Variants in TLR10 observed in about 807,000 individuals in gnomAD.
TLR10 encodes toll-like receptor 10.
For synonymous variants in TLR10, 288 were observed against 338.8 expected (o/e 0.85, Z 1.65); for missense variants, 929 against 932.9 (o/e 1.00, Z 0.05).
In TLR10 at chr4:38,772,333, A is replaced by T. The variant is rs1724675949; in HGVS notation, c.*822T>A. 6.6e-6 allele frequency: 1 copy of T among 152,130 alleles called. No homozygotes were observed. Among genetic ancestry groups the T allele is most frequent in the African/African-American group, 2.4e-5 (1 of 41,428 alleles). The allele number at this position is 152,130 out of a possible 1,614,324, so 9.4% of individuals were successfully genotyped here. A position where few individuals can be genotyped will look rare whatever the true frequency, so the allele number is the denominator to read the frequency against. The stretch of plus-strand genomic sequence containing the variant: ...AACATTATAGAAATACACAACATAG[A>T]AATCAAATGCTCCCTGTAATCCAAC... On this transcript the variant is annotated 3_prime_UTR_variant, in exon 4 of 4. Coordinates refer to ENST00000308973, the MANE Select transcript of TLR10 (RefSeq NM_030956.4).
rs1040771141 is a variant in TLR10 at position 38,775,666 on chromosome 4, T to C, written c.-62-14A>G. The C allele has an allele frequency of 7.4e-7, 1 of 1,348,154 alleles. No individual in the cohort carries two copies. Among genetic ancestry groups the C allele is most frequent in the Admixed American group, 2.5e-5 (1 of 39,614 alleles). The allele number at this position is 1,348,154 out of a possible 1,614,324, so 83.5% of individuals were successfully genotyped here. Reference sequence around the variant, plus strand: ...GAGCTCAAAACCCTAAAAAAAAGTATATAATATTAGATTTTTATTTGGTTT... The same window carrying C: ...GAGCTCAAAACCCTAAAAAAAAGTACATAATATTAGATTTTTATTTGGTTT... On this transcript the variant is annotated splice_polypyrimidine_tract_variant and intron_variant, in intron 3 of 3. Transcript: ENST00000308973.
At chr4:38,776,829 T>C (rs1172961922) in intron 1 of TLR10, among the ~76,000 whole-genome samples, 3 of 152,182 alleles carry the variant, frequency 2.0e-5, no homozygotes, top group Non-Finnish European at 4.4e-5. Flanking sequence ...ACAATACGTT[T>C]ATATGTTATG....
intron 3 of TLR10, 35 bp from the exon 4 acceptor site, chr4:38,775,687 G>A: frequency 8.1e-7 from 1 of 1,233,860 alleles, no homozygotes; most frequent in Non-Finnish European, 1.1e-6. Flanking sequence ...ATTTTTATTT[G>A]GTTTGTTAAA....
chr4:38,776,825 C>T (rs191196014), intron 1 of TLR10, among the ~76,000 whole-genome samples: 26 of 152,222 alleles, frequency 1.7e-4, no homozygotes, highest in Admixed American at 1.3e-3. Context: ...CAAAACAATA[C>T]GTTTATATGT....
rs1041790959 is a variant in TLR10, at chr4:38,776,274, A to G, written c.-416T>C. ...TGTGACATGTTGCCAGCTTCTCCACAGATAGGCATGGTGTTAGTCATTAAA... is the reference window on the plus strand; with the variant it reads ...TGTGACATGTTGCCAGCTTCTCCACGGATAGGCATGGTGTTAGTCATTAAA... On this transcript the variant is annotated 5_prime_UTR_variant, in exon 2 of 4. Transcript: ENST00000308973. 9.5e-5 allele frequency: 21 copies of G among 221,384 alleles called. No individual in the cohort carries two copies. Among genetic ancestry groups the G allele is most frequent in the Middle Eastern group, 4.9e-4 (1 of 2,024 alleles). The allele number at this position is 221,384 out of a possible 1,614,324, so 13.7% of individuals were successfully genotyped here.
Position 38,773,009 on chromosome 4 carries a change from T to G in TLR10, c.*146A>C. On this transcript the variant is annotated 3_prime_UTR_variant, in exon 4 of 4. Coordinates refer to ENST00000308973, the MANE Select transcript of TLR10 (RefSeq NM_030956.4). ...TGTGAAGGTGTTTCTATAGGATACA[T>G]TCTTAGAAATCCTTCTAGAAACTGA... The G allele has an allele frequency of 1.4e-6, 1 of 739,054 alleles. No individual in the cohort carries two copies. The highest frequency in any genetic ancestry group is 1.9e-6 in the Non-Finnish European group (1 of 513,222). The allele number at this position is 739,054 out of a possible 1,614,324, so 45.8% of individuals were successfully genotyped here.
rs1579183997 is a variant in TLR10 at position 38,780,402 on chromosome 4, T to TAAAAAAAAAA, written c.-569+2518_-569+2519insTTTTTTTTTT. The stretch of plus-strand genomic sequence containing the variant: ...CTGGGCAACAGAGCAAGACTCAGTT[T>TAAAAAAAAAA]CAAAAAAAAAAAGAATAAGTTTGGT... On this transcript the variant is annotated intron_variant, in intron 1 of 3. Transcript: ENST00000308973. Among the ~76,000 whole-genome samples, 139 of 80,840 alleles carry TAAAAAAAAAA rather than the reference T, an allele frequency of 1.7e-3. 2 individuals carry two copies. The highest frequency in any genetic ancestry group is 9.0e-3 in the African/African-American group (128 of 14,176). 53.0% of individuals were successfully genotyped at this position (80,840 alleles called of 152,430 possible). A position where few individuals can be genotyped will look rare whatever the true frequency, so the allele number is the denominator to read the frequency against.
rs144520113 is a variant in TLR10, at chr4:38,773,408, A to G, written c.2183T>C (p.Ile728Thr). The part of the protein sequence containing the change: ...FHENSDHIIL[I>T]LLEPIPFYCI... ...ATAGAATGGAATGGGTTCCAGTAAG[A>G]TAAGAATTATATGATCAGAATTTTC... Residue 728 changes from isoleucine (I) to threonine (T), a missense_variant, in exon 4 of 4, where the codon ATC becomes ACC. Ile to Thr is a moderately conservative substitution (Grantham distance 89). Transcript: ENST00000308973. 36 of 1,613,424 alleles carry G rather than the reference A, an allele frequency of 2.2e-5. No individual in the cohort carries two copies. In the African/African-American group the frequency reaches 3.6e-4, roughly 16 times the overall value.
chr4:38,777,832 C>T lies in TLR10; in HGVS notation c.-568-1406G>A, dbSNP rs187643843. On this transcript the variant is annotated intron_variant, in intron 1 of 3. Transcript: ENST00000308973. ...TGGAGAGGGTGTAGAGAAATAGGAACGCTTTTACACTGTTGGTGGGGGTGT... is the reference window on the plus strand; with the variant it reads ...TGGAGAGGGTGTAGAGAAATAGGAATGCTTTTACACTGTTGGTGGGGGTGT... 4.1e-4 allele frequency among the ~76,000 whole-genome samples: 63 copies of T among 152,244 alleles called. No individual in the cohort carries two copies. The East Asian group carries it at 7.0e-3, about 17-fold the overall frequency.
rs757945830 is a variant in TLR10, at chr4:38,774,220, A to C, written c.1371T>G (p.Thr457=). The change falls in exon 4 of 4, where the codon ACT becomes ACG. Residue 457 remains threonine, a synonymous_variant. Transcript: ENST00000308973. ...TCAGATGAATAGTCTCTTTAGGTAC[A>C]GTTTGGATTTGGTTATTATTTAGGT... The part of the protein sequence containing the change: ...ILDLNNNQIQ[T]VPKETIHLMA... 1 of 1,613,898 alleles carries C rather than the reference A, an allele frequency of 6.2e-7. No individual in the cohort carries two copies. Among genetic ancestry groups the C allele is most frequent in the South Asian group, 1.1e-5 (1 of 91,018 alleles).
In TLR10 at chr4:38,773,396, G is replaced by C; in HGVS notation, c.2195C>G (p.Pro732Arg). The C allele has an allele frequency of 6.2e-7, 1 of 1,613,726 alleles. No individual in the cohort carries two copies. The highest frequency in any genetic ancestry group is 1.1e-5 in the South Asian group (1 of 90,946). Residue 732 changes from proline to arginine, a missense_variant, in exon 4 of 4, where the codon CCC (proline) becomes CGC (arginine). Physicochemically the swap from Pro to Arg is moderately radical, Grantham distance 103. Transcript: ENST00000308973. ...SDHIILILLE[P>R]IPFYCIPTRY... The stretch of plus-strand genomic sequence containing the variant: ...GGTGGGAATGCAATAGAATGGAATG[G>C]GTTCCAGTAAGATAAGAATTATATG...
chr4:38,773,774 T>C lies in TLR10; in HGVS notation c.1817A>G (p.Tyr606Cys). 1.2e-6 allele frequency: 2 copies of C among 1,609,038 alleles called. No homozygotes were observed. Among genetic ancestry groups the C allele is most frequent in the Non-Finnish European group, 1.7e-6 (2 of 1,177,926 alleles). The change falls in exon 4 of 4, where the codon TAT (tyrosine) becomes TGT (cysteine). Residue 606 changes from tyrosine to cysteine, a missense_variant. Coordinates refer to ENST00000308973, the MANE Select transcript of TLR10 (RefSeq NM_030956.4). ...FCCLHFDLPW[Y>C]LRMLGQCTQT... is the part of the protein sequence containing the mutation. ...TGTGCATTGACCTAGCATCCTGAGATACCAGGGCAGATCAAAGTGGAGACA... is the reference window on the plus strand; with the variant it reads ...TGTGCATTGACCTAGCATCCTGAGACACCAGGGCAGATCAAAGTGGAGACA...
rs747910178 is a variant in TLR10, at chr4:38,773,649, C to T, written c.1942G>A (p.Val648Met). 2.5e-5 allele frequency: 40 copies of T among 1,606,410 alleles called. No homozygotes were observed. In the Admixed American group the frequency reaches 6.6e-4, roughly 27 times the overall value. The change falls in exon 4 of 4, where the codon GTG becomes ATG. Residue 648 changes from valine to methionine, a missense_variant. Val to Met is a conservative substitution (Grantham distance 21). Coordinates refer to ENST00000308973, the MANE Select transcript of TLR10 (RefSeq NM_030956.4). ...AGATTGGGGATCAATTCATTCTTCA[C>T]CCACAGAGAATCATGTTCACTGTAT... ...ISYSEHDSLW[V>M]KNELIPNLEK...
Position 38,774,593 on chromosome 4 carries a change from ATT to A in TLR10, c.996_997del (p.Ser334LysfsTer24). On this transcript the variant is annotated frameshift_variant, in exon 4 of 4. Transcript: ENST00000308973. LOFTEE classifies it low-confidence loss of function (END_TRUNC). ...CATGTGTGGCATTTGTGCATTTGAT[ATT>A]GTCAGGTTTTCTATGTCCATTTTGG... 1 of 1,594,934 alleles carries A rather than the reference ATT, an allele frequency of 6.3e-7. No homozygotes were observed. The highest frequency in any genetic ancestry group is 8.5e-7 in the Non-Finnish European group (1 of 1,174,030).
chr4:38,774,450 C>T lies in TLR10; in HGVS notation c.1141G>A (p.Gly381Ser). The change falls in exon 4 of 4, where the codon GGC (glycine) becomes AGC (serine). Residue 381 changes from glycine to serine, a missense_variant. Transcript: ENST00000308973. ...LPHLKTLILNGNKLETLSLVS... is the reference protein window; with the variant it reads ...LPHLKTLILNSNKLETLSLVS... The stretch of plus-strand genomic sequence containing the variant: ...AAAGAAAGTGTCTCCAGTTTATTGC[C>T]ATTCAAAATGAGAGTTTTCAAGTGA... 6.2e-7 allele frequency: 1 copy of T among 1,611,878 alleles called. No homozygotes were observed. Among genetic ancestry groups the T allele is most frequent in the African/African-American group, 1.3e-5 (1 of 74,922 alleles).
At chr4:38,782,876 T>C (rs1327298522) in intron 1 of TLR10, 45 bp downstream of exon 1, 1 of 152,230 alleles carries the variant, frequency 6.6e-6, no homozygotes, top group East Asian at 1.9e-4. Context: ...GCAGCCCTTA[T>C]ATCTTTTTAA....
chr4:38,782,041 AC>A (rs1376970713), intron 1 of TLR10, among the ~76,000 whole-genome samples: 2 of 152,158 alleles, frequency 1.3e-5, no homozygotes, highest in African/African-American at 4.8e-5. Context: ...TGGTAACTAA[AC>A]CCAAATGCAA....
Position 38,773,393 on chromosome 4 carries a change from A to T in TLR10, c.2198T>A (p.Ile733Asn), listed in dbSNP as rs1724773537. ...DHIILILLEP[I>N]PFYCIPTRYH... Reference sequence around the variant, plus strand: ...CCTGGTGGGAATGCAATAGAATGGAATGGGTTCCAGTAAGATAAGAATTAT... The same window carrying T: ...CCTGGTGGGAATGCAATAGAATGGATTGGGTTCCAGTAAGATAAGAATTAT... Residue 733 changes from isoleucine to asparagine, a missense_variant, in exon 4 of 4, where the codon ATT (isoleucine) becomes AAT (asparagine). Coordinates refer to ENST00000308973, the MANE Select transcript of TLR10 (RefSeq NM_030956.4). 1 of 1,613,912 alleles carries T rather than the reference A, an allele frequency of 6.2e-7. No individual in the cohort carries two copies. The highest frequency in any genetic ancestry group is 2.2e-5 in the East Asian group (1 of 44,884).
intron 1 of TLR10, among the ~76,000 whole-genome samples, chr4:38,780,594 T>C (rs1725344921): frequency 6.6e-6 from 1 of 152,162 alleles, no homozygotes. Flanking sequence ...CTTAGTACCA[T>C]GCCTAGCATA....
Sources: gnomAD v4.1 joint callset for allele counts (sites outside exome capture counted in the v4.1 genomes callset) on GRCh38, gnomAD v4.1.1 for gene constraint, MANE v1.5 for transcripts, NCBI Gene and HGNC (gene_info 2026-07-23, HGNC 2026-07-21) for gene names.